The following DGKB variants were observed in gnomAD, a reference collection of about 807,000 sequenced individuals.
The protein encoded by DGKB is diacylglycerol kinase beta, also known as 90 kDa diacylglycerol kinase.
A neutral mutation model predicts 114.3 loss-of-function variants in DGKB; 67 were observed. The ratio of observed to expected loss-of-function variants is 0.59; its 90% CI spans 0.48 to 0.72. DGKB has a LOEUF of 0.72. DGKB is among the 30% of genes least tolerant of loss of function. DGKB has a pLI of 0.00. For synonymous variants in DGKB, 398 were observed against 323.1 expected (o/e 1.23, Z -2.49); for missense variants, 907 against 975.2 (o/e 0.93, Z 0.93).
chr7:14,839,561 T>C (rs1847636115), intron 2 of DGKB, among the ~76,000 whole-genome samples: 1 of 151,894 alleles, frequency 6.6e-6, no homozygotes, highest in African/African-American at 2.4e-5. Flanking sequence ...GCCAGCCTGC[T>C]GGGCTAATTT....
chr7:14,796,091 G>A (rs778091156), intron 2 of DGKB, among the ~76,000 whole-genome samples: 2 of 152,058 alleles, frequency 1.3e-5, no homozygotes, highest in Non-Finnish European at 1.5e-5. Context: ...GGTAAAGCTT[G>A]GGTGGAAGAA....
chr7:14,170,167 AAGAAAGAAAG>A (rs1239042624), intron 25 of DGKB, among the ~76,000 whole-genome samples: 2 of 112,170 alleles, frequency 1.8e-5, no homozygotes, highest in Admixed American at 1.1e-4. Context: ...GAAAGAAAGA[AAGAAAGAAAG>A]AAAGAAAGAA....
At chr7:14,967,450 A>AG (rs1787219801) in intron 1 of DGKB, among the ~76,000 whole-genome samples, 2 of 151,968 alleles carry the variant, frequency 1.3e-5, no homozygotes, top group East Asian at 3.9e-4. Flanking sequence ...CCTTCCAAGT[A>AG]GCTGGGATTG....
intron 20 of DGKB, among the ~76,000 whole-genome samples, chr7:14,487,009 G>GTAGC (rs1442294357): frequency 1.3e-5 from 2 of 151,940 alleles, no homozygotes; most frequent in African/African-American, 4.8e-5. Flanking sequence ...AAATTGATAC[G>GTAGC]TAGCATCACC....
chr7:14,524,290 C>T (rs1450125468), intron 20 of DGKB, among the ~76,000 whole-genome samples: 1 of 152,226 alleles, frequency 6.6e-6, no homozygotes, highest in Admixed American at 6.5e-5. Flanking sequence ...TTCTTTCTCT[C>T]TCCGGGATTA....
chr7:14,577,401 A>C (rs113439068), intron 19 of DGKB, among the ~76,000 whole-genome samples: 25,133 of 152,042 alleles, frequency 0.17, 2,204 homozygotes, highest in East Asian at 0.34. Context: ...GTGGATCACG[A>C]GGTCAGGAGA....
intron 1 of DGKB, among the ~76,000 whole-genome samples, chr7:14,890,806 T>C (rs1254040430): frequency 1.3e-5 from 2 of 150,342 alleles, no homozygotes; most frequent in African/African-American, 2.4e-5. Flanking sequence ...ATAACGTTCA[T>C]CCCTCCTCTT....
chr7:14,527,623 G>C, intron 20 of DGKB, among the ~76,000 whole-genome samples: 1 of 152,074 alleles, frequency 6.6e-6, no homozygotes, highest in South Asian at 2.1e-4. Flanking sequence ...TTCAAAAGAA[G>C]TGTAGGATAA....
intron 20 of DGKB, among the ~76,000 whole-genome samples, chr7:14,566,825 C>T (rs1424128612): frequency 6.6e-6 from 1 of 151,890 alleles, no homozygotes; most frequent in Non-Finnish European, 1.5e-5. Flanking sequence ...ATGCTCATGA[C>T]ATCTCTTTGG....
At chr7:14,893,907 C>G (rs1394757339) in intron 1 of DGKB, among the ~76,000 whole-genome samples, 2 of 151,218 alleles carry the variant, frequency 1.3e-5, no homozygotes, top group African/African-American at 4.8e-5. Context: ...TCCTCCAAAT[C>G]CCAGTATAGG....
chr7:14,807,864 A>G (rs1348656060), intron 2 of DGKB, among the ~76,000 whole-genome samples: 1 of 151,964 alleles, frequency 6.6e-6, no homozygotes, highest in Non-Finnish European at 1.5e-5. Context: ...CAATTTTAAT[A>G]TTTTGTCATA....
chr7:14,370,422 C>T (rs1183117608), intron 21 of DGKB, among the ~76,000 whole-genome samples: 1 of 152,030 alleles, frequency 6.6e-6, no homozygotes, highest in African/African-American at 2.4e-5. Context: ...CTTTTTGGTT[C>T]CATATGAAAT....
At chr7:14,736,677 G>C (rs1387068944) in intron 4 of DGKB, among the ~76,000 whole-genome samples, 1 of 152,154 alleles carries the variant, frequency 6.6e-6, no homozygotes, top group Non-Finnish European at 1.5e-5. Context: ...AATGTAAAAA[G>C]AGGTTAACCT....
intron 21 of DGKB, among the ~76,000 whole-genome samples, chr7:14,449,556 A>C (rs116208310): frequency 0.026 from 3,992 of 152,002 alleles, 151 homozygotes; most frequent in African/African-American, 0.087. Flanking sequence ...CTCCTAAAAA[A>C]CCATCTGCTC....
intron 7 of DGKB, among the ~76,000 whole-genome samples, chr7:14,700,925 T>C (rs1825055285): frequency 6.6e-6 from 1 of 152,110 alleles, no homozygotes; most frequent in Non-Finnish European, 1.5e-5. Flanking sequence ...ATATGCAAAA[T>C]ATGTTACCAA....
intron 25 of DGKB, among the ~76,000 whole-genome samples, chr7:14,175,181 T>G (rs1781544033): frequency 6.6e-6 from 1 of 152,240 alleles, no homozygotes; most frequent in African/African-American, 2.4e-5. Flanking sequence ...ATACCTGCCC[T>G]TGAGTATGCT....
chr7:14,443,142 A>G (rs1410968774), intron 21 of DGKB, among the ~76,000 whole-genome samples: 2 of 152,084 alleles, frequency 1.3e-5, no homozygotes, highest in African/African-American at 4.8e-5. Context: ...TTTTCTAAGC[A>G]TTTTTACAAA....
At chr7:14,314,729 T>C (rs377395761) in intron 23 of DGKB, among the ~76,000 whole-genome samples, 7 of 151,626 alleles carry the variant, frequency 4.6e-5, no homozygotes, top group African/African-American at 9.7e-5. Context: ...TCCAGGAGAA[T>C]TTCCCCAATC....
At chr7:14,299,454 G>C (rs905410062) in intron 23 of DGKB, among the ~76,000 whole-genome samples, 2 of 152,076 alleles carry the variant, frequency 1.3e-5, no homozygotes, top group African/African-American at 4.8e-5. Flanking sequence ...ATAAATTACA[G>C]AATATATTAG....
Sources: gnomAD v4.1 joint callset for allele counts (sites outside exome capture counted in the v4.1 genomes callset) on GRCh38, gnomAD v4.1.1 for gene constraint, MANE v1.5 for transcripts, NCBI Gene and HGNC (gene_info 2026-07-23, HGNC 2026-07-21) for gene names.